Variants in DST observed in about 807,000 individuals in gnomAD.
DST encodes the protein bullous pemphigoid antigen.
In DST, 253 loss-of-function variants were observed where a neutral mutation model predicts 875.2. The observed-to-expected ratio is 0.29, with a 90% CI of 0.26 to 0.32. The LOEUF (loss-of-function observed/expected upper bound fraction) is 0.32, where lower values mean the gene tolerates loss of function less well. Ranked by LOEUF, DST falls within the 10% of genes least tolerant of loss-of-function variation. The pLI is 1.00. For missense variants in DST, 8,287 were observed against 9,111.6 expected, an observed-to-expected ratio of 0.91 and a Z score of 3.68; for synonymous variants, 3,124 against 3,197.1, an observed-to-expected ratio of 0.98 and a Z score of 0.77.
chr6:56,921,008 T>C (rs9475753), intron 2 of DST, among the ~76,000 whole-genome samples: 2 of 147,820 alleles, frequency 1.4e-5, no homozygotes, highest in Non-Finnish European at 3.0e-5. Flanking sequence ...CCTCCCAAAG[T>C]GCTGGGATTA....
At position 56,561,230 on chromosome 6, in the gene DST, T is replaced by C. The variant is rs911993144; in HGVS notation, c.14310+78A>G. 9 of 1,455,932 alleles carry C rather than the reference T, an allele frequency of 6.2e-6. No homozygotes were observed. The South Asian group carries it at 1.0e-4, about 16-fold the overall frequency. The allele number at this position is 1,455,932 out of a possible 1,614,324, so 90.2% of individuals were successfully genotyped here. On this transcript the variant is annotated intron_variant, in intron 57 of 103. Coordinates refer to ENST00000680361, the MANE Select transcript of DST (RefSeq NM_001374736.1). The stretch of plus-strand genomic sequence containing the variant: ...GCTAGAAAAGAAAACAGAGCAGAGC[T>C]TCTGACTACCAGAGCTCCGTTCCAA...
chr6:56,842,753 G>A (rs758174670), intron 4 of DST, among the ~76,000 whole-genome samples: 2 of 152,124 alleles, frequency 1.3e-5, no homozygotes, highest in Non-Finnish European at 2.9e-5. Flanking sequence ...GAAGAATTAT[G>A]ATTACGCGTA....
chr6:56,893,935 G>A (rs1346861959), intron 3 of DST, among the ~76,000 whole-genome samples: 1 of 18,192 alleles, frequency 5.5e-5, no homozygotes, highest in Non-Finnish European at 1.0e-4. Context: ...AGATCAACAG[G>A]ATCCCAAGGC....
chr6:56,572,612 G>C (rs967955784), intron 52 of DST, 135 bp downstream of exon 52: 1 of 641,818 alleles, frequency 1.6e-6, no homozygotes, highest in Non-Finnish European at 2.5e-6. Context: ...AATTCTTAAA[G>C]GAGTAAAACA....
rs903039137 is a variant in DST, at chr6:56,604,763, G to T, written c.9865C>A (p.Leu3289Met). 6.2e-7 allele frequency: 1 copy of T among 1,612,782 alleles called. No individual in the cohort carries two copies. Among genetic ancestry groups the T allele is most frequent in the Admixed American group, 1.7e-5 (1 of 59,890 alleles). Residue 3289 changes from leucine (L) to methionine (M), a missense_variant, in exon 40 of 104, where the codon CTG becomes ATG. Leu to Met is a conservative substitution (Grantham distance 15). Coordinates refer to ENST00000680361, the MANE Select transcript of DST (RefSeq NM_001374736.1). ...HVEDVGKNDFLQSERCANGLG... is the reference protein window; with the variant it reads ...HVEDVGKNDFMQSERCANGLG... ...CCATTTGCACACCGCTCCGACTGCA[G>T]AAAATCATTTTTCCCAACATCTTCT...
intron 97 of DST, 93 bp from the exon 98 acceptor site, chr6:56,469,092 T>C: frequency 1.0e-6 from 1 of 953,786 alleles, no homozygotes. Context: ...TCACACTCTG[T>C]GCTTCTGGAT....
At chr6:56,717,473 G>C (rs1017599299) in intron 5 of DST, among the ~76,000 whole-genome samples, 4 of 152,036 alleles carry the variant, frequency 2.6e-5, no homozygotes, top group Non-Finnish European at 4.4e-5. Flanking sequence ...AAGCTAATGA[G>C]AGACCACCAG....
intron 5 of DST, among the ~76,000 whole-genome samples, chr6:56,707,153 G>A (rs2099344418): frequency 6.6e-6 from 1 of 152,180 alleles, no homozygotes; most frequent in Non-Finnish European, 1.5e-5. Context: ...ACAGGCCATG[G>A]ACCGGACCAG....
intron 49 of DST, among the ~76,000 whole-genome samples, chr6:56,588,194 C>T (rs1201611042): frequency 1.3e-5 from 2 of 152,170 alleles, no homozygotes; most frequent in Non-Finnish European, 2.9e-5. Flanking sequence ...CTTGAGCATG[C>T]TATAGTCTAA....
intron 4 of DST, among the ~76,000 whole-genome samples, chr6:56,740,847 C>G (rs2099544241): frequency 6.6e-6 from 1 of 151,980 alleles, no homozygotes; most frequent in Non-Finnish European, 1.5e-5. Flanking sequence ...TAGGTAATAT[C>G]CATATTATTC....
At position 56,611,495 on chromosome 6, in the gene DST, A is replaced by G; in HGVS notation, c.5147+13T>C. ...CCCACTTAAAATAAAAGAGCTAACT[A>G]CAACCAACATACTTGTCTCCATGTT... is the stretch of plus-strand genomic sequence containing the variant. On this transcript the variant is annotated intron_variant, in intron 38 of 103. Coordinates refer to ENST00000680361, the MANE Select transcript of DST (RefSeq NM_001374736.1). 6.3e-7 allele frequency: 1 copy of G among 1,589,066 alleles called. No homozygotes were observed. The highest frequency in any genetic ancestry group is 8.6e-7 in the Non-Finnish European group (1 of 1,158,664).
intron 10 of DST, among the ~76,000 whole-genome samples, chr6:56,667,928 T>C (rs1360718827): frequency 2.6e-5 from 4 of 151,994 alleles, no homozygotes; most frequent in African/African-American, 7.3e-5. Context: ...TAGGGGTTTT[T>C]CTAATCTATT....
chr6:56,850,451 A>T (rs1764585181), intron 4 of DST, among the ~76,000 whole-genome samples: 1 of 151,176 alleles, frequency 6.6e-6, no homozygotes, highest in African/African-American at 2.4e-5. Flanking sequence ...GGACCCCCAG[A>T]GTTAAGAGTG....
chr6:56,513,414 G>A (rs2096524083), intron 72 of DST, among the ~76,000 whole-genome samples: 1 of 152,170 alleles, frequency 6.6e-6, no homozygotes, highest in Admixed American at 6.5e-5. Context: ...ATTTTTAGTA[G>A]AGATGGGGTT....
chr6:56,930,908 CA>C (rs994084735), intron 2 of DST, among the ~76,000 whole-genome samples: 15 of 152,160 alleles, frequency 9.9e-5, no homozygotes, highest in African/African-American at 3.6e-4. Flanking sequence ...TGCATGAAAA[CA>C]TGTTTAGGAT....
At chr6:56,557,249 A>G (rs2097439325) in intron 59 of DST, 70 bp downstream of exon 59, 2 of 1,419,822 alleles carry the variant, frequency 1.4e-6, no homozygotes, top group East Asian at 4.6e-5. Flanking sequence ...TAATATATTT[A>G]TAATGAAAAC....
chr6:56,817,722 C>A (rs1389333302), intron 4 of DST, among the ~76,000 whole-genome samples: 1 of 152,128 alleles, frequency 6.6e-6, no homozygotes, highest in African/African-American at 2.4e-5. Flanking sequence ...TTATGATAAA[C>A]CAATACAGGA....
intron 92 of DST, among the ~76,000 whole-genome samples, chr6:56,475,394 AACACACACACAC>A (rs35690052): frequency 0.22 from 32,542 of 144,940 alleles, 3,918 homozygotes; most frequent in Middle Eastern, 0.4. Context: ...AGGCTTTTAA[AACACACACACAC>A]ACACACACAC....
At chr6:56,487,039 G>A (rs1194409944) in intron 87 of DST, 65 bp downstream of exon 87, 2 of 1,508,572 alleles carry the variant, frequency 1.3e-6, no homozygotes, top group African/African-American at 1.4e-5. Flanking sequence ...TCCCCGCAAA[G>A]CACCATTACT....
Sources: gnomAD v4.1 joint callset for allele counts (sites outside exome capture counted in the v4.1 genomes callset) on GRCh38, gnomAD v4.1.1 for gene constraint, MANE v1.5 for transcripts, NCBI Gene and HGNC (gene_info 2026-07-23, HGNC 2026-07-21) for gene names.